The following UGT1A5 variants were observed in gnomAD, a reference collection of about 807,000 sequenced individuals.
UGT1A5 encodes the protein UDP-glucuronosyltransferase 1A5.
In UGT1A5, 29 loss-of-function variants were observed where a neutral mutation model predicts 40.3. The ratio of observed to expected loss-of-function variants is 0.72; its 90% CI spans 0.54 to 0.98. UGT1A5 has a LOEUF of 0.98. UGT1A5 is among the 50% of genes least tolerant of loss of function. The pLI is 0.00. For synonymous variants in UGT1A5, 257 were observed against 262.5 expected, an observed-to-expected ratio of 0.98 and a Z score of 0.20; for missense variants, 678 against 677.9, an observed-to-expected ratio of 1.00 and a Z score of 0.00.
At position 233,743,837 on chromosome 2, in the gene UGT1A5, G is replaced by A. The variant is rs371252305; in HGVS notation, c.868-23197G>A. On this transcript the variant is annotated intron_variant, in intron 1 of 4. Coordinates refer to ENST00000373414, the MANE Select transcript of UGT1A5 (RefSeq NM_019078.2). Reference sequence around the variant, plus strand: ...GTTTTTGTCGGGGTGCCACTTGAGCGCCAGCTTGCGGTACGCCTTCTTGAT... The same window carrying A: ...GTTTTTGTCGGGGTGCCACTTGAGCACCAGCTTGCGGTACGCCTTCTTGAT... 45 of 1,367,128 alleles carry A rather than the reference G, an allele frequency of 3.3e-5. No homozygotes were observed. The African/African-American group carries it at 3.6e-4, about 11-fold the overall frequency. 84.7% of individuals were successfully genotyped at this position (1,367,128 alleles called of 1,614,324 possible). A position where few individuals can be genotyped will look rare whatever the true frequency, so the allele number is the denominator to read the frequency against.
intron 1 of UGT1A5, chr2:233,754,988 A>T (rs756949361): frequency 6.6e-5 from 86 of 1,295,924 alleles, no homozygotes; most frequent in Non-Finnish European, 8.9e-5. Context: ...CGGCGGGGTC[A>T]CGGAAGCTGA....
chr2:233,750,449 A>G (rs1225472187), intron 1 of UGT1A5, among the ~76,000 whole-genome samples: 4 of 151,972 alleles, frequency 2.6e-5, no homozygotes, highest in South Asian at 4.1e-4. Context: ...AGAAATTCAA[A>G]CCAGCTACAG....
chr2:233,755,235 C>G (rs1346915931), intron 1 of UGT1A5: 5 of 904,804 alleles, frequency 5.5e-6, no homozygotes, highest in Non-Finnish European at 8.2e-6. Flanking sequence ...CGAGGCCTAC[C>G]GGGGTACTCC....
At chr2:233,717,046 C>T (rs1379018729) in intron 1 of UGT1A5, among the ~76,000 whole-genome samples, 1 of 152,138 alleles carries the variant, frequency 6.6e-6, no homozygotes, top group African/African-American at 2.4e-5. Flanking sequence ...CATGGGCCTC[C>T]GCAGGGTCTA....
chr2:233,717,649 C>A, intron 1 of UGT1A5: 2 of 403,236 alleles, frequency 5.0e-6, no homozygotes, highest in South Asian at 3.6e-5. Flanking sequence ...GCGACCAGGA[C>A]AAGGAAGCAT....
rs750440547 is a variant in UGT1A5, at chr2:233,743,766, C to T, written c.868-23268C>T. 28 of 1,367,250 alleles carry T rather than the reference C, an allele frequency of 2.0e-5. No homozygotes were observed. In the South Asian group the frequency reaches 2.2e-4, roughly 11 times the overall value. The allele number at this position is 1,367,250 out of a possible 1,614,324, so 84.7% of individuals were successfully genotyped here. Reference sequence around the variant, plus strand: ...GCGTCCGACAACACCTCGTAGGCCTCGGCCACCTGCTTGAATCTCCTCTCC... The same window carrying T: ...GCGTCCGACAACACCTCGTAGGCCTTGGCCACCTGCTTGAATCTCCTCTCC... On this transcript the variant is annotated intron_variant, in intron 1 of 4. Coordinates refer to ENST00000373414, the MANE Select transcript of UGT1A5 (RefSeq NM_019078.2).
intron 1 of UGT1A5, chr2:233,755,212 T>G (rs1192331400): frequency 1.0e-5 from 11 of 1,054,576 alleles, no homozygotes; most frequent in Admixed American, 3.8e-5. Context: ...TACGCCTTCT[T>G]GATACCCTCG....
chr2:233,748,418 A>G (rs1693939912), intron 1 of UGT1A5, among the ~76,000 whole-genome samples: 1 of 151,750 alleles, frequency 6.6e-6, no homozygotes, highest in African/African-American at 2.4e-5. Context: ...TTGAGACTTG[A>G]CCCATCTGGA....
intron 1 of UGT1A5, chr2:233,743,539 T>C (rs34135810): frequency 0.015 from 20,568 of 1,367,214 alleles, 228 homozygotes; most frequent in South Asian, 0.027. Context: ...GCAGTTCCTC[T>C]GACCCCCCCA....
chr2:233,760,894 C>A, intron 1 of UGT1A5: 1 of 1,614,174 alleles, frequency 6.2e-7, no homozygotes, highest in Non-Finnish European at 8.5e-7. Context: ...TCATTCAGAT[C>A]ACATGACCTT....
chr2:233,743,747 G>C (rs370175895), intron 1 of UGT1A5: 65 of 1,367,344 alleles, frequency 4.8e-5, no homozygotes, highest in Non-Finnish European at 6.4e-5. Flanking sequence ...CTTGGCGTCC[G>C]ACAACACCTC....
chr2:233,761,167 G>C, intron 1 of UGT1A5: 1 of 1,614,098 alleles, frequency 6.2e-7, no homozygotes. Flanking sequence ...TATTGGAGTG[G>C]GACTTTTACA....
At chr2:233,757,637 C>G (rs375047032) in intron 1 of UGT1A5, among the ~76,000 whole-genome samples, 3 of 148,590 alleles carry the variant, frequency 2.0e-5, no homozygotes, top group Non-Finnish European at 4.5e-5. Context: ...CAGAACAGAA[C>G]AAAATGCTGT....
At chr2:233,714,093 T>C (rs1575506008) in intron 1 of UGT1A5, among the ~76,000 whole-genome samples, 1 of 152,008 alleles carries the variant, frequency 6.6e-6, no homozygotes, top group East Asian at 1.9e-4. Context: ...TGTCAAAGGA[T>C]GGGCAAGAGT....
chr2:233,727,866 T>C (rs1246200452), intron 1 of UGT1A5, among the ~76,000 whole-genome samples: 1 of 152,128 alleles, frequency 6.6e-6, no homozygotes, highest in Non-Finnish European at 1.5e-5. Context: ...AAGGGAAGCC[T>C]CAGCCTCACC....
intron 1 of UGT1A5, chr2:233,755,457 C>G: frequency 1.4e-5 from 4 of 284,208 alleles, no homozygotes; most frequent in Non-Finnish European, 2.8e-5. Context: ...TGGGACTGGC[C>G]CTGCTCTCTG....
At chr2:233,719,751 A>G in intron 1 of UGT1A5, 1 of 1,612,694 alleles carries the variant, frequency 6.2e-7, no homozygotes, top group East Asian at 2.2e-5. Flanking sequence ...AAATGTATTT[A>G]CTTACAAGTG....
In UGT1A5 at chr2:233,765,523, G is replaced by A. The variant is rs34942302; in HGVS notation, c.868-1511G>A. On this transcript the variant is annotated intron_variant, in intron 1 of 4. Coordinates refer to ENST00000373414, the MANE Select transcript of UGT1A5 (RefSeq NM_019078.2). ...ACACAGGAACAGAAAATCAAACACCGCATGTTCTCACTCATAAGTGGGAGT... is the reference window on the plus strand; with the variant it reads ...ACACAGGAACAGAAAATCAAACACCACATGTTCTCACTCATAAGTGGGAGT... Among the ~76,000 whole-genome samples, 784 of 152,122 alleles carry A rather than the reference G, an allele frequency of 5.2e-3. 4 individuals are homozygous for A. Among genetic ancestry groups the A allele is most frequent in the Non-Finnish European group, 8.2e-3 (558 of 68,008 alleles).
chr2:233,754,498 C>T, intron 1 of UGT1A5: 1 of 356,952 alleles, frequency 2.8e-6, no homozygotes, highest in South Asian at 2.1e-5. Context: ...TAAAAAAAGT[C>T]CGCTATTCCT....
Sources: gnomAD v4.1 joint callset for allele counts (sites outside exome capture counted in the v4.1 genomes callset) on GRCh38, gnomAD v4.1.1 for gene constraint, MANE v1.5 for transcripts, NCBI Gene and HGNC (gene_info 2026-07-23, HGNC 2026-07-21) for gene names.